CNTNAP2: variants seen among roughly 807,000 people sequenced by gnomAD.
CNTNAP2 encodes the protein contactin associated protein 2.
In CNTNAP2, 98 loss-of-function variants were observed where a neutral mutation model predicts 155.2. The observed-to-expected ratio is 0.63, with a 90% confidence interval of 0.54 to 0.75. The LOEUF (loss-of-function observed/expected upper bound fraction) is 0.75. Among genes scored for constraint, CNTNAP2 ranks in the 30% least tolerant of loss-of-function variants. CNTNAP2 has a pLI of 0.00. For missense variants in CNTNAP2, 1,727 were observed against 1,688.1 expected, an observed-to-expected ratio of 1.02 and a Z score of -0.40; for synonymous variants, 651 against 631.2, an observed-to-expected ratio of 1.03 and a Z score of -0.47.
intron 12 of CNTNAP2, among the ~76,000 whole-genome samples, chr7:147,582,889 C>T (rs757294657): frequency 3.9e-5 from 6 of 152,044 alleles, no homozygotes; most frequent in East Asian, 1.9e-4. Context: ...CATTTAACTG[C>T]GGACTCTAAT....
chr7:147,838,340 G>A (rs1044707458), intron 13 of CNTNAP2, among the ~76,000 whole-genome samples: 19 of 152,082 alleles, frequency 1.2e-4, no homozygotes, highest in African/African-American at 4.3e-4. Context: ...TGAATAACTC[G>A]GCTCCTCATT....
chr7:147,447,195 T>C (rs1000844252), intron 10 of CNTNAP2, among the ~76,000 whole-genome samples: 2 of 152,174 alleles, frequency 1.3e-5, no homozygotes, highest in Non-Finnish European at 2.9e-5. Flanking sequence ...TGGACAGATT[T>C]CAGAAAGTTT....
At chr7:146,508,668 T>C (rs567776194) in intron 1 of CNTNAP2, among the ~76,000 whole-genome samples, 1 of 152,138 alleles carries the variant, frequency 6.6e-6, no homozygotes, top group Non-Finnish European at 1.5e-5. Flanking sequence ...CACAAAACGC[T>C]CTATACCTTC....
At chr7:146,122,450 A>G (rs1797577426) in intron 1 of CNTNAP2, among the ~76,000 whole-genome samples, 1 of 152,222 alleles carries the variant, frequency 6.6e-6, no homozygotes, top group South Asian at 2.1e-4. Context: ...CTAATCTAGA[A>G]CTCAGAGAAG....
intron 15 of CNTNAP2, chr7:148,056,387 C>G (rs1306652557): frequency 3.3e-5 from 5 of 152,190 alleles, no homozygotes; most frequent in Non-Finnish European, 7.3e-5. Context: ...ATGTTTCTAT[C>G]ACTTTCTGAC....
intron 1 of CNTNAP2, among the ~76,000 whole-genome samples, chr7:146,128,032 T>C (rs1797662129): frequency 6.6e-6 from 1 of 152,206 alleles, no homozygotes; most frequent in South Asian, 2.1e-4. Context: ...TACACACTTC[T>C]GAACCATTTC....
At chr7:146,336,967 G>A (rs1168331713) in intron 1 of CNTNAP2, among the ~76,000 whole-genome samples, 2 of 152,142 alleles carry the variant, frequency 1.3e-5, no homozygotes, top group Admixed American at 1.3e-4. Flanking sequence ...GTCTGAGATG[G>A]AACAGTTTTG....
intron 13 of CNTNAP2, among the ~76,000 whole-genome samples, chr7:147,751,092 T>C (rs1797129358): frequency 6.6e-6 from 1 of 151,150 alleles, no homozygotes; most frequent in Non-Finnish European, 1.5e-5. Context: ...AAAAAAAATT[T>C]CCAGGCTTTG....
chr7:147,795,760 A>T (rs562676275), intron 13 of CNTNAP2, among the ~76,000 whole-genome samples: 1 of 152,160 alleles, frequency 6.6e-6, no homozygotes, highest in East Asian at 1.9e-4. Flanking sequence ...TAGTTGAATG[A>T]TCATGGAATA....
chr7:146,825,378 G>T (rs1244297624), intron 2 of CNTNAP2, among the ~76,000 whole-genome samples: 1 of 152,098 alleles, frequency 6.6e-6, no homozygotes, highest in Non-Finnish European at 1.5e-5. Context: ...AGGAACTAGG[G>T]TTAGGATTGG....
chr7:146,721,113 T>A (rs1478338923), intron 1 of CNTNAP2, among the ~76,000 whole-genome samples: 2 of 132,032 alleles, frequency 1.5e-5, no homozygotes, highest in Non-Finnish European at 3.1e-5. Context: ...CTATATATAT[T>A]CTCTCTATAT....
intron 11 of CNTNAP2, among the ~76,000 whole-genome samples, chr7:147,541,297 C>A (rs1396184942): frequency 6.6e-6 from 1 of 152,158 alleles, no homozygotes; most frequent in African/African-American, 2.4e-5. Context: ...AGCTCCATAG[C>A]CTTCTGTTAC....
intron 9 of CNTNAP2, among the ~76,000 whole-genome samples, chr7:147,367,654 C>G (rs1796257826): frequency 6.6e-6 from 1 of 152,284 alleles, no homozygotes; most frequent in African/African-American, 2.4e-5. Context: ...GAATTTACCA[C>G]CCTTATTCTG....
intron 3 of CNTNAP2, among the ~76,000 whole-genome samples, chr7:146,906,340 C>A (rs1443218979): frequency 6.6e-6 from 1 of 152,206 alleles, no homozygotes; most frequent in Non-Finnish European, 1.5e-5. Context: ...GGCTCCACCT[C>A]TGGGGGCAGG....
At chr7:147,796,499 T>C (rs191592207) in intron 13 of CNTNAP2, among the ~76,000 whole-genome samples, 307 of 151,748 alleles carry the variant, frequency 2.0e-3, no homozygotes, top group Non-Finnish European at 2.9e-3. Context: ...GAGGTTCTGT[T>C]TGCTAAGCAC....
intron 18 of CNTNAP2, among the ~76,000 whole-genome samples, chr7:148,197,021 G>A (rs1373235098): frequency 6.6e-6 from 1 of 152,072 alleles, no homozygotes. Flanking sequence ...TGTTAAACAC[G>A]AGTGCCAGTT....
At position 146,246,265 on chromosome 7, in the gene CNTNAP2, A is replaced by G. The variant is rs1353693757; in HGVS notation, c.97+129292A>G. On this transcript the variant is annotated intron_variant, in intron 1 of 23. Transcript: ENST00000361727. ...GTAATACAAGAGGAGGACGCAAAGG[A>G]GGCTTTGGATTGGGAAGAAGGGCAG... is the stretch of plus-strand genomic sequence containing the variant. 3.3e-5 allele frequency among the ~76,000 whole-genome samples: 5 copies of G among 150,728 alleles called. No individual in the cohort carries two copies. In the East Asian group the frequency reaches 7.8e-4, roughly 24 times the overall value.
chr7:148,356,308 T>TA (rs35933327), intron 21 of CNTNAP2, among the ~76,000 whole-genome samples: 2 of 151,918 alleles, frequency 1.3e-5, no homozygotes, highest in African/African-American at 4.8e-5. Flanking sequence ...AACTCACTCT[T>TA]AAAAAAAATC....
At chr7:146,934,965 CTAAA>C (rs1478834471) in intron 3 of CNTNAP2, among the ~76,000 whole-genome samples, 1 of 152,184 alleles carries the variant, frequency 6.6e-6, no homozygotes, top group Non-Finnish European at 1.5e-5. Flanking sequence ...AATGTATAGA[CTAAA>C]TAGTCCATTT....
Sources: gnomAD v4.1 joint callset for allele counts (sites outside exome capture counted in the v4.1 genomes callset) on GRCh38, gnomAD v4.1.1 for gene constraint, MANE v1.5 for transcripts, NCBI Gene and HGNC (gene_info 2026-07-23, HGNC 2026-07-21) for gene names.